DHX8: variants seen among roughly 807,000 people sequenced by gnomAD.
The protein encoded by DHX8 is ATP-dependent RNA helicase DHX8.
In DHX8, 67 loss-of-function variants were observed where a neutral mutation model predicts 140.7. That is an observed-to-expected ratio of 0.48 (90% CI 0.39 to 0.58). The LOEUF is 0.58. DHX8 is among the 20% of genes least tolerant of loss of function. The pLI is 0.00. For missense variants in DHX8, 887 were observed against 1,550.7 expected (o/e 0.57, Z 7.19); for synonymous variants, 533 against 553.2 (o/e 0.96, Z 0.51).
intron 11 of DHX8, among the ~76,000 whole-genome samples, chr17:43,500,535 G>T (rs1055522841): frequency 3.9e-5 from 6 of 151,980 alleles, no homozygotes; most frequent in Non-Finnish European, 8.8e-5. Context: ...AGCATGTTTG[G>T]TTTTTTCTTA....
chr17:43,533,709 C>T, intron 2 of DHX8: 1 of 1,007,992 alleles, frequency 9.9e-7, no homozygotes, highest in South Asian at 1.6e-5. Context: ...CAGAGGAAAT[C>T]CTTAGCTGTA....
chr17:43,497,118 G>T (rs1444549031), intron 9 of DHX8, among the ~76,000 whole-genome samples: 2 of 152,062 alleles, frequency 1.3e-5, no homozygotes, highest in African/African-American at 4.8e-5. Flanking sequence ...TCCCACATTT[G>T]TGTTAATTAC....
chr17:43,498,476 G>GTC (rs1567681467), intron 9 of DHX8, among the ~76,000 whole-genome samples: 1 of 144,698 alleles, frequency 6.9e-6, no homozygotes, highest in Non-Finnish European at 1.5e-5. Context: ...TTAAGACAGA[G>GTC]TCTCACTCTG....
At position 43,488,979 on chromosome 17, in the gene DHX8, A is replaced by G. The variant is rs78031961; in HGVS notation, c.149-470A>G. 8.8e-3 allele frequency among the ~76,000 whole-genome samples: 1,325 copies of G among 151,132 alleles called. 26 individuals are homozygous for G. The highest frequency in any genetic ancestry group is 0.031 in the African/African-American group (1,272 of 41,188). On this transcript the variant is annotated intron_variant, in intron 1 of 22. Transcript: ENST00000262415. The stretch of plus-strand genomic sequence containing the variant: ...TGTGTGGATAATTTCAGCAGTCTAG[A>G]TTTTCTCTCTTGTTTTCTTGTTTTG...
At chr17:43,509,001 A>C (rs113211605) in intron 16 of DHX8, among the ~76,000 whole-genome samples, 2,668 of 152,290 alleles carry the variant, frequency 0.018, 81 homozygotes, top group African/African-American at 0.06. Context: ...CAATTTGTTT[A>C]GTATGTGACC....
At chr17:43,492,626 C>T (rs894020593) in intron 5 of DHX8, 55 bp from the exon 6 acceptor site, 4 of 1,078,574 alleles carry the variant, frequency 3.7e-6, no homozygotes, top group South Asian at 2.7e-5. Context: ...CTTGGGGATG[C>T]GAAGATGAAA....
downstream of DHX8, chr17:43,525,790 A>C (rs1970591600): frequency 1.0e-6 from 1 of 985,726 alleles, no homozygotes; most frequent in African/African-American, 1.7e-5. Context: ...ATTCCAGCCT[A>C]AATTTTCCCC....
intron 9 of DHX8, 50 bp downstream of exon 9, chr17:43,496,318 A>G: frequency 1.5e-6 from 2 of 1,364,442 alleles, no homozygotes; most frequent in Non-Finnish European, 2.1e-6. Context: ...TGAGCCATTG[A>G]ATTGGGTGAT....
At position 43,524,711 on chromosome 17, in the gene DHX8, C is replaced by T. The variant is rs1338097941; in HGVS notation, c.*864C>T. The T allele has an allele frequency of 2.0e-6, 2 of 985,300 alleles. No homozygotes were observed. The highest frequency in any genetic ancestry group is 2.4e-6 in the Non-Finnish European group (2 of 829,930). 61.0% of individuals were successfully genotyped at this position (985,300 alleles called of 1,614,324 possible). Reference sequence around the variant, plus strand: ...TTTTGAAACATACTAAGTAACAACACAGCTTTTATTTTATTTTGTTTTTAT... The same window carrying T: ...TTTTGAAACATACTAAGTAACAACATAGCTTTTATTTTATTTTGTTTTTAT... On this transcript the variant is annotated 3_prime_UTR_variant, in exon 23 of 23. Coordinates refer to ENST00000262415, the MANE Select transcript of DHX8 (RefSeq NM_004941.3).
rs749131817 is a variant in DHX8 at position 43,534,254 on chromosome 17, C to T, written c.351-2158C>T. ...TTTAGGCTGGGCACGGTAGCTCACA[C>T]CTGTAATCCCAGCACTTTGGGAGGC... On this transcript the variant is annotated intron_variant, in intron 2 of 3. Transcript: ENST00000589898. Among the ~76,000 whole-genome samples the T allele has an allele frequency of 5.3e-5, 8 of 152,306 alleles. No homozygotes were observed. The South Asian group carries it at 1.2e-3, about 24-fold the overall frequency.
intron 11 of DHX8, among the ~76,000 whole-genome samples, chr17:43,504,012 G>C (rs1203910263): frequency 6.6e-6 from 1 of 152,008 alleles, no homozygotes; most frequent in African/African-American, 2.4e-5. Context: ...AGGAATTTGA[G>C]GCTGCAGTGA....
chr17:43,493,117 A>G (rs1362156757), intron 6 of DHX8, 77 bp downstream of exon 6: 1 of 1,534,580 alleles, frequency 6.5e-7, no homozygotes, highest in South Asian at 1.3e-5. Context: ...CACATTCTAA[A>G]AAGTTACTTT....
chr17:43,492,659 C>T (rs1336837041), intron 5 of DHX8, 22 bp from the exon 6 acceptor site: 4 of 1,383,722 alleles, frequency 2.9e-6, no homozygotes, highest in African/African-American at 1.4e-5. Flanking sequence ...CTTTTTTAAA[C>T]AGGTGCTTAT....
chr17:43,500,865 C>T (rs1969152620), intron 11 of DHX8, among the ~76,000 whole-genome samples: 1 of 151,996 alleles, frequency 6.6e-6, no homozygotes, highest in South Asian at 2.1e-4. Flanking sequence ...GAGCCAAGAT[C>T]GCGCCACTGC....
intron 8 of DHX8, among the ~76,000 whole-genome samples, chr17:43,494,944 T>C (rs986398132): frequency 9.9e-5 from 15 of 151,254 alleles, no homozygotes; most frequent in Admixed American, 7.9e-4. Flanking sequence ...CCCGAGTAGC[T>C]GGGATTACAG....
At chr17:43,487,515 G>A (rs768980476) in intron 1 of DHX8, among the ~76,000 whole-genome samples, 3 of 152,044 alleles carry the variant, frequency 2.0e-5, no homozygotes, top group Non-Finnish European at 2.9e-5. Context: ...CACCACCCCC[G>A]GCTGATTTTT....
chr17:43,530,538 G>A (rs964932439), downstream of DHX8: 26 of 810,994 alleles, frequency 3.2e-5, no homozygotes, highest in Non-Finnish European at 3.9e-5. Context: ...CGGTGTCCAC[G>A]CCTAAGACTC....
At chr17:43,499,125 G>A (rs1969041019) in intron 10 of DHX8, among the ~76,000 whole-genome samples, 166 bp downstream of exon 10, 1 of 152,192 alleles carries the variant, frequency 6.6e-6, no homozygotes. Context: ...GGTTGGGTTG[G>A]CTTTATTGCT....
chr17:43,539,710 T>C (rs1971423438), intron 3 of DHX8, among the ~76,000 whole-genome samples: 1 of 152,178 alleles, frequency 6.6e-6, no homozygotes, highest in Non-Finnish European at 1.5e-5. Context: ...CTGACCATCC[T>C]AGCCCTTCCC....
Sources: allele counts gnomAD v4.1 joint callset (sites outside exome capture counted in the v4.1 genomes callset), GRCh38; gene constraint gnomAD v4.1.1; transcripts MANE v1.5; gene names NCBI Gene and HGNC (gene_info 2026-07-23, HGNC 2026-07-21).